The following SIRT5 variants were observed in gnomAD, a reference collection of about 807,000 sequenced individuals.
The protein encoded by SIRT5 is sirtuin 5.
Under a neutral mutation model 40.0 loss-of-function variants are expected in SIRT5, and 26 were observed. The observed-to-expected ratio is 0.65, with a 90% CI of 0.48 to 0.90. The LOEUF (loss-of-function observed/expected upper bound fraction) is 0.90. Among genes scored for constraint, SIRT5 ranks in the 40% least tolerant of loss-of-function variants. The pLI is 0.00. For missense variants in SIRT5, 401 were observed against 402.4 expected (o/e 1.00, Z 0.03); for synonymous variants, 146 against 149.1 (o/e 0.98, Z 0.15).
chr6:13,610,695 G>A (rs1283927104), intron 9 of SIRT5, among the ~76,000 whole-genome samples: 2 of 152,204 alleles, frequency 1.3e-5, no homozygotes, highest in African/African-American at 4.8e-5. Context: ...ATGGCTGGCA[G>A]TAATTCCTGG....
At chr6:13,576,219 G>A (rs1758616161) in intron 1 of SIRT5, among the ~76,000 whole-genome samples, 1 of 152,136 alleles carries the variant, frequency 6.6e-6, no homozygotes, top group African/African-American at 2.4e-5. Flanking sequence ...TAGATTTTGA[G>A]GAGCCTCCAT....
chr6:13,608,634 T>G (rs1302395545), intron 9 of SIRT5, among the ~76,000 whole-genome samples: 1 of 151,986 alleles, frequency 6.6e-6, no homozygotes, highest in African/African-American at 2.4e-5. Flanking sequence ...ACTGACTACC[T>G]ATTATACTTC....
In SIRT5 at chr6:13,611,846, A is replaced by G. The variant is rs34162626; in HGVS notation, c.914A>G (p.Glu305Gly). 0.057 allele frequency: 92,511 copies of G among 1,612,650 alleles called. 3,672 individuals are homozygous for G. The highest frequency in any genetic ancestry group is 0.19 in the Admixed American group (11,352 of 59,902). ...CTTCCTGAAGCCCTTGCCTGTCATG[A>G]AAATGAAACTGTTTCTTAAGTGTCC... ...TTLPEALACH[E>G]NETVS is the part of the protein sequence containing the mutation. Residue 305 changes from glutamate (E) to glycine (G), a missense_variant, in exon 10 of 10, where the codon GAA becomes GGA. By Grantham distance (98) the Glu-to-Gly change is moderately conservative (BLOSUM62 -2). Transcript: ENST00000606117.
chr6:13,605,703 A>G (rs1763017070), intron 9 of SIRT5: 1 of 985,352 alleles, frequency 1.0e-6, no homozygotes. Context: ...ATAAACCCTG[A>G]CTATTCCAAT....
chr6:13,611,238 C>T (rs5010543), intron 9 of SIRT5, among the ~76,000 whole-genome samples: 75,713 of 114,402 alleles, frequency 0.66, 23,493 homozygotes, highest in Admixed American at 0.72. Context: ...TATATATATA[C>T]ACACACACAT....
rs1760934596 is a variant in SIRT5 at position 13,591,763 on chromosome 6, A to ACGC, written c.347_349dup (p.Ala116dup). 6.2e-7 allele frequency: 1 copy of ACGC among 1,613,514 alleles called. No individual in the cohort carries two copies. Among genetic ancestry groups the ACGC allele is most frequent in the African/African-American group, 1.3e-5 (1 of 74,910 alleles). On this transcript the variant is annotated inframe_insertion, in exon 5 of 10. Transcript: ENST00000606117. Reference sequence around the variant, plus strand: ...GAGGTCATGGGGAGCAAGGAGCCCAACGCCGGGCACCGCGCCATAGCCGAG... The same window carrying ACGC: ...GAGGTCATGGGGAGCAAGGAGCCCAACGCCGCCGGGCACCGCGCCATAGCCGAG...
At chr6:13,583,113 G>A (rs1177331391) in intron 2 of SIRT5, among the ~76,000 whole-genome samples, 2 of 152,078 alleles carry the variant, frequency 1.3e-5, no homozygotes, top group African/African-American at 4.8e-5. Flanking sequence ...GGATGGGGTG[G>A]GAGGATCGCT....
chr6:13,592,008 T>A, intron 5 of SIRT5, 114 bp downstream of exon 5: 1 of 984,286 alleles, frequency 1.0e-6, no homozygotes, highest in Non-Finnish European at 1.5e-6. Context: ...CGTCCTGTCC[T>A]ATAGGATGCT....
chr6:13,577,605 A>G (rs1334808309), intron 1 of SIRT5, among the ~76,000 whole-genome samples: 1 of 149,886 alleles, frequency 6.7e-6, no homozygotes, highest in African/African-American at 2.4e-5. Flanking sequence ...TGCTGATAAC[A>G]TCTTATATAT....
At chr6:13,574,787 G>A (rs1451407315) in intron 1 of SIRT5, 43 bp downstream of exon 1, 1 of 152,624 alleles carries the variant, frequency 6.6e-6, no homozygotes, top group African/African-American at 2.4e-5. Flanking sequence ...CTGGAGACCA[G>A]GGAGGGGGAT....
In SIRT5 at chr6:13,592,715, C is replaced by A. The variant is rs576759875; in HGVS notation, c.475+821C>A. Among the ~76,000 whole-genome samples the A allele has an allele frequency of 4.9e-4, 75 of 152,238 alleles. 1 individual carries two copies. Among genetic ancestry groups the A allele is most frequent in the South Asian group, 1.4e-3 (7 of 4,828 alleles). Reference sequence around the variant, plus strand: ...GCTCCTTCCTCTGTCCTGGGTAACCCCTCACCCCTTCACTCTTGTCTTCTG... The same window carrying A: ...GCTCCTTCCTCTGTCCTGGGTAACCACTCACCCCTTCACTCTTGTCTTCTG... On this transcript the variant is annotated intron_variant, in intron 5 of 9. Coordinates refer to ENST00000606117, the MANE Select transcript of SIRT5 (RefSeq NM_012241.5).
chr6:13,601,005 C>A, intron 9 of SIRT5, 56 bp downstream of exon 9: 1 of 1,348,432 alleles, frequency 7.4e-7, no homozygotes, highest in South Asian at 1.2e-5. Flanking sequence ...CAGACATGGT[C>A]ATCTAAACAT....
intron 9 of SIRT5, among the ~76,000 whole-genome samples, chr6:13,611,207 G>GTATATATA (rs1172335284): frequency 2.7e-3 from 251 of 93,524 alleles, no homozygotes; most frequent in South Asian, 6.0e-3. Context: ...GTGTGTGTGT[G>GTATATATA]TATATATATA....
At chr6:13,601,829 G>T (rs1386991073) in intron 9 of SIRT5, among the ~76,000 whole-genome samples, 1 of 150,588 alleles carries the variant, frequency 6.6e-6, no homozygotes, top group African/African-American at 2.4e-5. Flanking sequence ...CTAAGTCTTT[G>T]CTGGGATTTA....
intron 9 of SIRT5, chr6:13,605,644 T>C (rs1763005701): frequency 1.0e-6 from 1 of 985,342 alleles, no homozygotes; most frequent in Non-Finnish European, 1.2e-6. Flanking sequence ...GTTCCAGTTT[T>C]GGTTTTGTCG....
In SIRT5 at chr6:13,587,675, G is replaced by A. The variant is rs147501612; in HGVS notation, c.116-656G>A. Among the ~76,000 whole-genome samples the A allele has an allele frequency of 2.9e-3, 447 of 152,300 alleles. 2 individuals are homozygous for A. Among genetic ancestry groups the A allele is most frequent in the Admixed American group, 6.9e-3 (105 of 15,304 alleles). On this transcript the variant is annotated intron_variant, in intron 3 of 9. Coordinates refer to ENST00000606117, the MANE Select transcript of SIRT5 (RefSeq NM_012241.5). Reference sequence around the variant, plus strand: ...TCTGTGTCCACAATTACTTCCTCTCGTGTTATTCTCTGTCTTCAGTTCCCT... The same window carrying A: ...TCTGTGTCCACAATTACTTCCTCTCATGTTATTCTCTGTCTTCAGTTCCCT...
At chr6:13,579,002 T>C (rs1039591647) in intron 1 of SIRT5, among the ~76,000 whole-genome samples, 2 of 151,938 alleles carry the variant, frequency 1.3e-5, no homozygotes, top group Admixed American at 6.6e-5. Flanking sequence ...AAGGCAGGAG[T>C]CTTCACCCAG....
At position 13,606,569 on chromosome 6, in the gene SIRT5, G is replaced by T. The variant is rs1451727425; in HGVS notation, c.858-5221G>T. Among the ~76,000 whole-genome samples the T allele has an allele frequency of 2.0e-5, 3 of 152,166 alleles. No individual in the cohort carries two copies. In the East Asian group the frequency reaches 5.8e-4, roughly 29 times the overall value. On this transcript the variant is annotated intron_variant, in intron 9 of 9. Coordinates refer to ENST00000606117, the MANE Select transcript of SIRT5 (RefSeq NM_012241.5). ...AGTCCATGCAGTCAGGGCTTAGTTG[G>T]TCTGTTCATTCAAAAAGCCACTGAA...
At chr6:13,590,233 C>T (rs1760666120) in intron 4 of SIRT5, among the ~76,000 whole-genome samples, 1 of 152,160 alleles carries the variant, frequency 6.6e-6, no homozygotes, top group Admixed American at 6.5e-5. Context: ...ACCCCCACCT[C>T]CACTATCAAG....
Sources: gnomAD v4.1 joint callset for allele counts (sites outside exome capture counted in the v4.1 genomes callset) on GRCh38, gnomAD v4.1.1 for gene constraint, MANE v1.5 for transcripts, NCBI Gene and HGNC (gene_info 2026-07-23, HGNC 2026-07-21) for gene names.